GPHA2: variants seen among roughly 807,000 people sequenced by gnomAD.
GPHA2 encodes glycoprotein hormone alpha-2.
In GPHA2, 12 loss-of-function variants were observed where a neutral mutation model predicts 15.3. The observed-to-expected ratio is 0.78, with a 90% CI of 0.50 to 1.27. The LOEUF is 1.27. GPHA2 is among the 50% of genes most tolerant of loss of function. The probability of loss-of-function intolerance (pLI) is 0.00; values close to 1 mark genes in which losing one functional copy is unlikely to be tolerated. For missense variants in GPHA2, 156 were observed against 169.5 expected (o/e 0.92, Z 0.44); for synonymous variants, 61 against 66.8 (o/e 0.91, Z 0.42).
chr11:64,937,563 C>G (rs1945307261), upstream of GPHA2: 1 of 152,280 alleles, frequency 6.6e-6, no homozygotes, highest in Non-Finnish European at 1.5e-5. Context: ...CTTCTCCCCA[C>G]CAAGGGTGCA....
At chr11:64,937,367 AGC>A (rs2136698936), upstream of GPHA2, 1 of 152,320 alleles carries the variant, frequency 6.6e-6, no homozygotes, top group Non-Finnish European at 1.5e-5. Flanking sequence ...GCTTCTTAGC[AGC>A]TTTGTAAAAC....
intron 3 of GPHA2, 27 bp downstream of exon 3, chr11:64,934,964 C>T (rs1460085977): frequency 6.2e-7 from 1 of 1,613,780 alleles, no homozygotes; most frequent in Non-Finnish European, 8.5e-7. Flanking sequence ...CCCCAGCGTC[C>T]ATCCACCGGG....
intron 1 of GPHA2, 159 bp from the exon 2 acceptor site, chr11:64,935,619 G>A: frequency 1.7e-6 from 1 of 583,650 alleles, no homozygotes; most frequent in South Asian, 2.2e-5. Context: ...CTTTGTGTGT[G>A]TGTGTGTGTG....
At position 64,935,280 on chromosome 11, in the gene GPHA2, G is replaced by GC. The variant is rs1364884783; in HGVS notation, c.103+77dup. On this transcript the variant is annotated intron_variant, in intron 2 of 3. Transcript: ENST00000279168. ...TGTGGGGCCCTTTAGGGTGCTGCCT[G>GC]CCCCACCGTCCACTCAGCTCTTTGC... The GC allele has an allele frequency of 5.7e-5, 80 of 1,401,690 alleles. No homozygotes were observed. In the South Asian group the frequency reaches 9.7e-4, roughly 17 times the overall value. 86.8% of individuals were successfully genotyped at this position (1,401,690 alleles called of 1,614,324 possible).
chr11:64,937,248 C>T (rs146183871), upstream of GPHA2, among the ~76,000 whole-genome samples: 26 of 152,292 alleles, frequency 1.7e-4, no homozygotes, highest in African/African-American at 5.8e-4. Flanking sequence ...CCTACCCCCT[C>T]ATTTTCTGGA....
In GPHA2 at chr11:64,935,149, G is replaced by C; in HGVS notation, c.130C>G (p.Arg44Gly). The C allele has an allele frequency of 1.2e-6, 2 of 1,613,770 alleles. No homozygotes were observed. The highest frequency in any genetic ancestry group is 1.7e-6 in the Non-Finnish European group (2 of 1,179,906). ...TGGGAGCCCTGGCAGGTGCCTTGGC[G>C]GTCACTTCGCACTGTCACATTGAAG... ...HPFNVTVRSD[R>G]QGTCQGSHVA... The change falls in exon 3 of 4, where the codon CGC becomes GGC. Residue 44 changes from arginine to glycine, a missense_variant. Physicochemically the swap from Arg to Gly is moderately radical, Grantham distance 125 (BLOSUM62 -2). Coordinates refer to ENST00000279168, the MANE Select transcript of GPHA2 (RefSeq NM_130769.4).
rs1423675647 is a variant in GPHA2 at position 64,934,632 on chromosome 11, C to T, written c.*141G>A. The T allele has an allele frequency of 4.3e-6, 3 of 691,362 alleles. No individual in the cohort carries two copies. Among genetic ancestry groups the T allele is most frequent in the Non-Finnish European group, 7.7e-6 (3 of 388,134 alleles). 42.8% of individuals were successfully genotyped at this position (691,362 alleles called of 1,614,324 possible). A position where few individuals can be genotyped will look rare whatever the true frequency, so the allele number is the denominator to read the frequency against. ...TACAAAGGATCAAAGCTGGAACAAC[C>T]CTCCCCTTATTTAAAAAAATTCCAT... On this transcript the variant is annotated 3_prime_UTR_variant, in exon 4 of 4. Transcript: ENST00000279168.
chr11:64,934,856 A>C lies in GPHA2; in HGVS notation c.307T>G (p.Cys103Gly), dbSNP rs1945273398. Reference sequence around the variant, plus strand: ...AGCTCCTCCCTCCGGCTCCCCACACACTGCAGCTGTACTTTGACCTGCGGG... The same window carrying C: ...AGCTCCTCCCTCCGGCTCCCCACACCCTGCAGCTGTACTTTGACCTGCGGG... ...GLKKVKVQLQ[C>G]VGSRREELEI... The change falls in exon 4 of 4, where the codon TGT becomes GGT. Residue 103 changes from cysteine (C) to glycine (G), a missense_variant. Physicochemically the swap from Cys to Gly is radical, Grantham distance 159. Transcript: ENST00000279168. 6.2e-7 allele frequency: 1 copy of C among 1,613,846 alleles called. No individual in the cohort carries two copies. The highest frequency in any genetic ancestry group is 8.5e-7 in the Non-Finnish European group (1 of 1,179,972).
At position 64,934,671 on chromosome 11, in the gene GPHA2, C is replaced by G. The variant is rs184316770; in HGVS notation, c.*102G>C. The G allele has an allele frequency of 1.1e-6, 1 of 916,256 alleles. No homozygotes were observed. The highest frequency in any genetic ancestry group is 2.4e-5 in the East Asian group (1 of 41,440). 56.8% of individuals were successfully genotyped at this position (916,256 alleles called of 1,614,324 possible). On this transcript the variant is annotated 3_prime_UTR_variant, in exon 4 of 4. Coordinates refer to ENST00000279168, the MANE Select transcript of GPHA2 (RefSeq NM_130769.4). ...AAAAAATTCCATAGCAAGTAACCAT[C>G]AGGGCTGGAGCTCCTTCCAGTTTTT...
Position 64,934,703 on chromosome 11 carries a change from T to C in GPHA2, c.*70A>G, listed in dbSNP as rs1945269272. On this transcript the variant is annotated 3_prime_UTR_variant, in exon 4 of 4. Coordinates refer to ENST00000279168, the MANE Select transcript of GPHA2 (RefSeq NM_130769.4). ...GGAGCTCCTTCCAGTTTTTGAATCT[T>C]GAACACAGGTTTCCCCCACCAGAAC... The C allele has an allele frequency of 1.5e-6, 2 of 1,305,580 alleles. No individual in the cohort carries two copies. Among genetic ancestry groups the C allele is most frequent in the African/African-American group, 2.9e-5 (2 of 69,122 alleles). The allele number at this position is 1,305,580 out of a possible 1,614,324, so 80.9% of individuals were successfully genotyped here. A position where few individuals can be genotyped will look rare whatever the true frequency, so the allele number is the denominator to read the frequency against.
At chr11:64,937,510 G>A (rs1482989907), upstream of GPHA2, 1 of 152,198 alleles carries the variant, frequency 6.6e-6, no homozygotes, top group East Asian at 1.9e-4. Context: ...CTCAAGACCT[G>A]GGTCCTTGTT....
chr11:64,936,989 C>T (rs1183817204), upstream of GPHA2, among the ~76,000 whole-genome samples: 1 of 152,188 alleles, frequency 6.6e-6, no homozygotes, highest in Non-Finnish European at 1.5e-5. Context: ...AATGTTAGGG[C>T]TGATTTCAAA....
rs773859162 is a variant in GPHA2, at chr11:64,934,744, C to A, written c.*29G>T. ...CCACCAGAACGTCAAGCCCTGTGACCCAGGGGAGGAAGGAGGGGAGAGGAT... is the reference window on the plus strand; with the variant it reads ...CCACCAGAACGTCAAGCCCTGTGACACAGGGGAGGAAGGAGGGGAGAGGAT... On this transcript the variant is annotated 3_prime_UTR_variant, in exon 4 of 4. Coordinates refer to ENST00000279168, the MANE Select transcript of GPHA2 (RefSeq NM_130769.4). 1.7e-5 allele frequency: 27 copies of A among 1,565,152 alleles called. No individual in the cohort carries two copies. In the Admixed American group the frequency reaches 3.8e-4, roughly 22 times the overall value.
intron 2 of GPHA2, 65 bp downstream of exon 2, chr11:64,935,293 C>CTG (rs1554969516): frequency 2.1e-6 from 3 of 1,449,632 alleles, no homozygotes; most frequent in South Asian, 1.3e-5. Context: ...CCACCGTCCA[C>CTG]TCAGCTCTTT....
At chr11:64,935,540 G>A (rs1040510393) in intron 1 of GPHA2, 80 bp from the exon 2 acceptor site, 3 of 942,336 alleles carry the variant, frequency 3.2e-6, no homozygotes, top group Admixed American at 2.7e-5. Flanking sequence ...TTCCAGGTGA[G>A]TGAGCCAGGG....
rs144580488 is a variant in GPHA2 at position 64,935,158 on chromosome 11, G to A, written c.121C>T (p.Arg41Ter). Residue 41 changes from arginine to a stop codon, truncating the protein, a stop_gained, in exon 3 of 4, where the codon CGA becomes TGA. Coordinates refer to ENST00000279168, the MANE Select transcript of GPHA2 (RefSeq NM_130769.4). LOFTEE classifies it high-confidence loss of function. ...CHLHPFNVTVRSDRQGTCQGS... is the reference protein window; with the variant it reads ...CHLHPFNVTV ...TGGCAGGTGCCTTGGCGGTCACTTC[G>A]CACTGTCACATTGAAGGCTAGAAGG... 91 of 1,613,600 alleles carry A rather than the reference G, an allele frequency of 5.6e-5. No individual in the cohort carries two copies. Among genetic ancestry groups the A allele is most frequent in the African/African-American group, 2.8e-4 (21 of 74,992 alleles).
chr11:64,936,354 T>G (rs182228590), upstream of GPHA2, among the ~76,000 whole-genome samples: 321 of 152,266 alleles, frequency 2.1e-3, 5 homozygotes, highest in African/African-American at 7.2e-3. Context: ...CTCGGCTCAC[T>G]GCAACCTCCA....
At chr11:64,936,770 G>A (rs1945297199), upstream of GPHA2, among the ~76,000 whole-genome samples, 3 of 152,064 alleles carry the variant, frequency 2.0e-5, no homozygotes, top group Non-Finnish European at 4.4e-5. Context: ...GCATGGCCAC[G>A]GTATCAGTGG....
chr11:64,936,737 G>A (rs1565113075), upstream of GPHA2, among the ~76,000 whole-genome samples: 1 of 152,090 alleles, frequency 6.6e-6, no homozygotes, highest in Non-Finnish European at 1.5e-5. Flanking sequence ...GGGGGTTTGG[G>A]GGTTGCTGTC....
Sources: gnomAD v4.1 joint callset for allele counts (sites outside exome capture counted in the v4.1 genomes callset) on GRCh38, gnomAD v4.1.1 for gene constraint, MANE v1.5 for transcripts, NCBI Gene and HGNC (gene_info 2026-07-23, HGNC 2026-07-21) for gene names.